The following TASP1 variants were observed in gnomAD, a reference collection of about 807,000 sequenced individuals.
TASP1 encodes the protein threonine aspartase 1.
Under a neutral mutation model 56.6 loss-of-function variants are expected in TASP1, and 16 were observed. The ratio of observed to expected loss-of-function variants is 0.28; its 90% CI spans 0.19 to 0.43. The LOEUF is 0.43. TASP1 is among the 20% of genes least tolerant of loss of function. The pLI is 1.00. For missense variants in TASP1, 393 were observed against 511.6 expected, an observed-to-expected ratio of 0.77 and a Z score of 2.24; for synonymous variants, 179 against 184.2, an observed-to-expected ratio of 0.97 and a Z score of 0.23.
chr20:13,443,862 C>A (rs2043304578), intron 11 of TASP1, among the ~76,000 whole-genome samples: 1 of 151,978 alleles, frequency 6.6e-6, no homozygotes, highest in Non-Finnish European at 1.5e-5. Flanking sequence ...GGAAAAAAAC[C>A]AAAGGGGTTA....
chr20:13,420,356 A>T (rs181838669), intron 12 of TASP1, among the ~76,000 whole-genome samples: 1 of 152,364 alleles, frequency 6.6e-6, no homozygotes, highest in East Asian at 1.9e-4. Context: ...GGTTTTCAAT[A>T]AAATTTCTAG....
the TASP1 span, among the ~76,000 whole-genome samples, chr20:13,276,395 AT>A: frequency 1.3e-5 from 2 of 151,902 alleles, no homozygotes; most frequent in South Asian, 2.1e-4. Flanking sequence ...CAATGTATTA[AT>A]TTTCAAGAGA....
the TASP1 span, among the ~76,000 whole-genome samples, chr20:13,273,355 C>T: frequency 6.6e-6 from 1 of 152,056 alleles, no homozygotes; most frequent in South Asian, 2.1e-4. Context: ...CTACCTCAGC[C>T]TCCTGAGTAG....
chr20:13,421,137 G>T (rs929460567), intron 12 of TASP1, among the ~76,000 whole-genome samples: 1 of 131,552 alleles, frequency 7.6e-6, no homozygotes, highest in Non-Finnish European at 1.6e-5. Flanking sequence ...TTTTAAGACA[G>T]AGTTTTACTC....
the TASP1 span, among the ~76,000 whole-genome samples, chr20:13,256,746 G>A: frequency 2.0e-5 from 3 of 152,186 alleles, no homozygotes; most frequent in Non-Finnish European, 4.4e-5. Flanking sequence ...TAGTAAGTAT[G>A]AGCCAGGTGA....
At chr20:13,194,670 G>A in the TASP1 span, among the ~76,000 whole-genome samples, 1 of 151,846 alleles carries the variant, frequency 6.6e-6, no homozygotes, top group Non-Finnish European at 1.5e-5. Context: ...CATGATGGCT[G>A]CCAACAATTA....
the TASP1 span, among the ~76,000 whole-genome samples, chr20:13,280,468 G>A: frequency 6.6e-6 from 1 of 151,854 alleles, no homozygotes; most frequent in African/African-American, 2.4e-5. Context: ...GGATAAGTGA[G>A]GTAACACCTT....
Position 13,534,119 on chromosome 20 carries a change from T to A in TASP1, c.698A>T (p.Asp233Val). 1.2e-6 allele frequency: 2 copies of A among 1,613,602 alleles called. No individual in the cohort carries two copies. The highest frequency in any genetic ancestry group is 1.7e-6 in the Non-Finnish European group (2 of 1,179,674). Residue 233 changes from aspartate to valine, a missense_variant, in exon 9 of 14, where the codon GAC becomes GTC. Transcript: ENST00000337743. ...SEKENDSGTL[D>V]TVGAVVVDHE... Reference sequence around the variant, plus strand: ...GTCCACAACCACAGCGCCTACCGTGTCCAAAGTGCCTGAGTCATTTTCCTG... The same window carrying A: ...GTCCACAACCACAGCGCCTACCGTGACCAAAGTGCCTGAGTCATTTTCCTG...
the TASP1 span, among the ~76,000 whole-genome samples, chr20:13,381,471 T>C: frequency 1.3e-5 from 2 of 152,232 alleles, no homozygotes; most frequent in Non-Finnish European, 2.9e-5. Context: ...TCACTTCCCT[T>C]CTGCATTGAT....
the TASP1 span, among the ~76,000 whole-genome samples, chr20:13,291,326 T>C: frequency 6.6e-6 from 1 of 152,180 alleles, no homozygotes; most frequent in Non-Finnish European, 1.5e-5. Context: ...ATCTCTTTAC[T>C]TGTTTGATTC....
chr20:13,500,912 T>C (rs2043922382), intron 10 of TASP1, among the ~76,000 whole-genome samples: 1 of 152,050 alleles, frequency 6.6e-6, no homozygotes, highest in African/African-American at 2.4e-5. Flanking sequence ...AAATGGATAA[T>C]GCAAATACTA....
At chr20:13,605,332 A>C (rs1601415828) in intron 4 of TASP1, among the ~76,000 whole-genome samples, 1 of 152,170 alleles carries the variant, frequency 6.6e-6, no homozygotes, top group South Asian at 2.1e-4. Context: ...TTGCATGTAA[A>C]TTATACTCCA....
At chr20:13,392,645 G>A (rs769852511) in intron 13 of TASP1, 105 of 417,956 alleles carry the variant, frequency 2.5e-4, no homozygotes, top group African/African-American at 1.9e-3. Flanking sequence ...AGAGACAGCC[G>A]CATCTTCTCA....
chr20:13,441,775 C>T (rs1185000409), intron 11 of TASP1, among the ~76,000 whole-genome samples: 1 of 152,092 alleles, frequency 6.6e-6, no homozygotes, highest in African/African-American at 2.4e-5. Flanking sequence ...CTTGGGTGAG[C>T]CTTGTGACAG....
chr20:13,510,600 C>T (rs1293238958), intron 10 of TASP1, among the ~76,000 whole-genome samples: 1 of 152,112 alleles, frequency 6.6e-6, no homozygotes, highest in African/African-American at 2.4e-5. Flanking sequence ...AATACCTAAT[C>T]TATAACTTTT....
chr20:13,149,627 C>T, the TASP1 span, among the ~76,000 whole-genome samples: 1 of 152,212 alleles, frequency 6.6e-6, no homozygotes, highest in African/African-American at 2.4e-5. Context: ...GTCATAATGG[C>T]TTGTCAGCCA....
intron 10 of TASP1, among the ~76,000 whole-genome samples, chr20:13,519,555 T>C (rs1009009717): frequency 6.6e-6 from 1 of 152,104 alleles, no homozygotes; most frequent in South Asian, 2.1e-4. Flanking sequence ...GAAAAGGCCT[T>C]TGACAAAATT....
At chr20:13,357,933 A>G in the TASP1 span, among the ~76,000 whole-genome samples, 1 of 152,200 alleles carries the variant, frequency 6.6e-6, no homozygotes, top group South Asian at 2.1e-4. Flanking sequence ...ACTTGCACGT[A>G]TATGCCCAGA....
chr20:13,525,890 T>G, intron 10 of TASP1, among the ~76,000 whole-genome samples: 1 of 152,112 alleles, frequency 6.6e-6, no homozygotes, highest in African/African-American at 2.4e-5. Flanking sequence ...GCGAAGAGTA[T>G]AACATGACAA....
Sources: allele counts gnomAD v4.1 joint callset (sites outside exome capture counted in the v4.1 genomes callset), GRCh38; gene constraint gnomAD v4.1.1; transcripts MANE v1.5; gene names NCBI Gene and HGNC (gene_info 2026-07-23, HGNC 2026-07-21).